Variants in DYNC1H1 observed in about 807,000 individuals in gnomAD.
The protein encoded by DYNC1H1 is dynein cytoplasmic 1 heavy chain 1.
In DYNC1H1, 51 loss-of-function variants were observed where a neutral mutation model predicts 527.1. The ratio of observed to expected loss-of-function variants is 0.10; its 90% CI spans 0.08 to 0.12. The LOEUF (loss-of-function observed/expected upper bound fraction) is 0.12, where lower values mean the gene tolerates loss of function less well. Among genes scored for constraint, DYNC1H1 ranks in the 10% least tolerant of loss-of-function variants. DYNC1H1 has a pLI of 1.00. For missense variants in DYNC1H1, 2,771 were observed against 5,971.8 expected, an observed-to-expected ratio of 0.46 and a Z score of 17.66; for synonymous variants, 2,189 against 2,278.8, an observed-to-expected ratio of 0.96 and a Z score of 1.12.
Position 102,047,639 on chromosome 14 carries a change from G to GTATATATATATATATA in DYNC1H1, c.13007-177_13007-176insATATATATATATATAT, listed in dbSNP as rs1287359925. ...TATACACGTGTGTGTGTGTGTGTGT[G>GTATATATATATATATA]TGTATATATATATATATATATATAT... On this transcript the variant is annotated intron_variant, in intron 72 of 77. Coordinates refer to ENST00000360184, the MANE Select transcript of DYNC1H1 (RefSeq NM_001376.5). 1.1e-4 allele frequency: 38 copies of GTATATATATATATATA among 352,012 alleles called. No individual in the cohort carries two copies. The African/African-American group carries it at 1.5e-3, about 14-fold the overall frequency. The allele number at this position is 352,012 out of a possible 1,614,324, so 21.8% of individuals were successfully genotyped here.
At chr14:102,007,934 C>T (rs1011523778) in intron 28 of DYNC1H1, among the ~76,000 whole-genome samples, 2 of 152,234 alleles carry the variant, frequency 1.3e-5, no homozygotes, top group African/African-American at 2.4e-5. Context: ...GGCCTTTCCT[C>T]GGGATACATG....
chr14:102,026,483 T>A, intron 43 of DYNC1H1, 91 bp from the exon 44 acceptor site: 1 of 1,406,652 alleles, frequency 7.1e-7, no homozygotes, highest in South Asian at 1.2e-5. Flanking sequence ...TTTTTAACAG[T>A]TTCTTCATGG....
Position 102,027,322 on chromosome 14 carries a change from A to G in DYNC1H1, c.8886+34A>G. 6.2e-7 allele frequency: 1 copy of G among 1,614,072 alleles called. No individual in the cohort carries two copies. The highest frequency in any genetic ancestry group is 8.5e-7 in the Non-Finnish European group (1 of 1,179,992). ...GGTCGGTGGCCTCTTAATCCCAGCAACAGATGTGTGTGCAGAGCTCAGTGA... is the reference window on the plus strand; with the variant it reads ...GGTCGGTGGCCTCTTAATCCCAGCAGCAGATGTGTGTGCAGAGCTCAGTGA... On this transcript the variant is annotated intron_variant, in intron 45 of 77. Transcript: ENST00000360184. This position sits in a 1 kb window ranked among gnomAD's most constrained non-coding sequence, Gnocchi z 7.7.
In DYNC1H1 at chr14:102,001,784, T is replaced by A. The variant is rs1308025962; in HGVS notation, c.4542+103T>A. ...TACTAGGTACCTGTTTTTTATTGTATTTTTTGAGACAGGGTCTCACTCTGT... is the reference window on the plus strand; with the variant it reads ...TACTAGGTACCTGTTTTTTATTGTAATTTTTGAGACAGGGTCTCACTCTGT... On this transcript the variant is annotated intron_variant, in intron 21 of 77. Transcript: ENST00000360184. The surrounding 1 kb of genome is among the most constrained non-coding windows in gnomAD (Gnocchi z 5.0). The A allele has an allele frequency of 5.3e-6, 8 of 1,518,512 alleles. No individual in the cohort carries two copies. The highest frequency in any genetic ancestry group is 5.4e-6 in the Non-Finnish European group (6 of 1,107,632). 94.1% of individuals were successfully genotyped at this position (1,518,512 alleles called of 1,614,324 possible).
At chr14:102,032,672 C>T (rs1205879920) in intron 52 of DYNC1H1, 7 of 668,052 alleles carry the variant, frequency 1.0e-5, no homozygotes, top group East Asian at 5.6e-5. Flanking sequence ...GGCTACATGG[C>T]GACACCCTGT....
Position 102,001,814 on chromosome 14 carries a change from C to A in DYNC1H1, c.4542+133C>A. ...TGAGACAGGGTCTCACTCTGTCTCC[C>A]ACGCTGGAGTGCAGTGGCACCATCA... On this transcript the variant is annotated intron_variant, in intron 21 of 77. Transcript: ENST00000360184. This position sits in a 1 kb window ranked among gnomAD's most constrained non-coding sequence, Gnocchi z 5.0. 7.9e-7 allele frequency: 1 copy of A among 1,265,662 alleles called. No individual in the cohort carries two copies. The highest frequency in any genetic ancestry group is 1.1e-6 in the Non-Finnish European group (1 of 900,826). The allele number at this position is 1,265,662 out of a possible 1,614,324, so 78.4% of individuals were successfully genotyped here.
In DYNC1H1 at chr14:102,002,435, G is replaced by T. The variant is rs928777584; in HGVS notation, c.4543-102G>T. On this transcript the variant is annotated intron_variant, in intron 21 of 77. Transcript: ENST00000360184. This position sits in a 1 kb window ranked among gnomAD's most constrained non-coding sequence, Gnocchi z 4.4. ...TACTTGTTGTTTAAAATGTGAATCA[G>T]ATTACTTCATGAGATCCTGATCTGC... 1.3e-6 allele frequency: 2 copies of T among 1,483,810 alleles called. No homozygotes were observed. Among genetic ancestry groups the T allele is most frequent in the South Asian group, 1.1e-5 (1 of 87,504 alleles). The allele number at this position is 1,483,810 out of a possible 1,614,324, so 91.9% of individuals were successfully genotyped here.
intron 52 of DYNC1H1, 83 bp downstream of exon 52, chr14:102,032,550 C>A: frequency 6.4e-7 from 1 of 1,562,464 alleles, no homozygotes; most frequent in Non-Finnish European, 8.7e-7. Flanking sequence ...GCCTCCAATC[C>A]CAGAACTTTC....
rs901849409 is a variant in DYNC1H1, at chr14:101,985,633, T to A, written c.1462-54T>A. On this transcript the variant is annotated intron_variant, in intron 7 of 77. Coordinates refer to ENST00000360184, the MANE Select transcript of DYNC1H1 (RefSeq NM_001376.5). This position sits in a 1 kb window ranked among gnomAD's most constrained non-coding sequence, Gnocchi z 5.9. ...GCCACTGCACCCGGCTTAAAATAAA[T>A]TTTAAAGCCTTCGTTTGGTCAGCAT... 7.0e-5 allele frequency: 112 copies of A among 1,601,166 alleles called. No homozygotes were observed. Among genetic ancestry groups the A allele is most frequent in the Non-Finnish European group, 8.3e-5 (97 of 1,168,532 alleles).
chr14:102,041,414 C>A lies in DYNC1H1; in HGVS notation c.11942-160C>A, dbSNP rs45444691. The A allele has an allele frequency of 1.7e-6, 2 of 1,153,156 alleles. No individual in the cohort carries two copies. The highest frequency in any genetic ancestry group is 1.7e-5 in the Admixed American group (1 of 58,490). 71.4% of individuals were successfully genotyped at this position (1,153,156 alleles called of 1,614,324 possible). On this transcript the variant is annotated intron_variant, in intron 64 of 77. Coordinates refer to ENST00000360184, the MANE Select transcript of DYNC1H1 (RefSeq NM_001376.5). This position sits in a 1 kb window ranked among gnomAD's most constrained non-coding sequence, Gnocchi z 4.5. ...CTCACAGGCGTGTCCAGAGGGCTCA[C>A]GGAAGGCACAGCAGATGTGGCTGAA... is the stretch of plus-strand genomic sequence containing the variant.
In DYNC1H1 at chr14:101,997,299, A is replaced by G. The variant is rs1041591967; in HGVS notation, c.3804+25A>G. ...GGTGAGTCCCGCCAGGTGGGGACGC[A>G]GGAGACTCCTCACCCAGCAGTGTGA... On this transcript the variant is annotated intron_variant, in intron 16 of 77. Coordinates refer to ENST00000360184, the MANE Select transcript of DYNC1H1 (RefSeq NM_001376.5). This position sits in a 1 kb window ranked among gnomAD's most constrained non-coding sequence, Gnocchi z 4.8. 3.7e-6 allele frequency: 6 copies of G among 1,613,890 alleles called. No homozygotes were observed. In the South Asian group the frequency reaches 4.4e-5, roughly 12 times the overall value.
chr14:102,027,563 G>A lies in DYNC1H1; in HGVS notation c.9048+19G>A, dbSNP rs2048464169. On this transcript the variant is annotated intron_variant, in intron 46 of 77. Coordinates refer to ENST00000360184, the MANE Select transcript of DYNC1H1 (RefSeq NM_001376.5). This position sits in a 1 kb window ranked among gnomAD's most constrained non-coding sequence, Gnocchi z 7.7. Reference sequence around the variant, plus strand: ...TGGAGAGGTAATTAGGTGACGTGTTGCGTTGCATTACGTGTTACCGGGGGA... The same window carrying A: ...TGGAGAGGTAATTAGGTGACGTGTTACGTTGCATTACGTGTTACCGGGGGA... 6.2e-7 allele frequency: 1 copy of A among 1,614,066 alleles called. No individual in the cohort carries two copies. Among genetic ancestry groups the A allele is most frequent in the Admixed American group, 1.7e-5 (1 of 59,994 alleles).
At chr14:101,994,057 G>A (rs1168423523) in intron 11 of DYNC1H1, 127 bp from the exon 12 acceptor site, 3 of 1,360,318 alleles carry the variant, frequency 2.2e-6, no homozygotes, top group South Asian at 1.2e-5. Flanking sequence ...GTAAGTGGAT[G>A]TTATCCCTTA....
At chr14:101,988,920 C>G in intron 10 of DYNC1H1, 68 bp downstream of exon 10, 1 of 1,596,980 alleles carries the variant, frequency 6.3e-7, no homozygotes, top group Non-Finnish European at 8.5e-7. Flanking sequence ...TAAAAAACAC[C>G]TATGGAAAGG....
At chr14:101,999,672 C>G (rs79329956) in intron 16 of DYNC1H1, among the ~76,000 whole-genome samples, 1 of 152,184 alleles carries the variant, frequency 6.6e-6, no homozygotes, top group Non-Finnish European at 1.5e-5. Context: ...CCTCTTCTAT[C>G]ACTGGGGATG....
rs199991724 is a variant in DYNC1H1 at position 102,040,227 on chromosome 14, C to G, written c.11691-9C>G. 2 of 1,614,058 alleles carry G rather than the reference C, an allele frequency of 1.2e-6. No homozygotes were observed. The highest frequency in any genetic ancestry group is 1.3e-5 in the African/African-American group (1 of 74,996). ...AGAGACCCTAGCTAACCTGTTGCAC[C>G]CTTCGCAGGGAGCCCACCTACGATG... On this transcript the variant is annotated splice_polypyrimidine_tract_variant and intron_variant, in intron 62 of 77. Transcript: ENST00000360184.
intron 72 of DYNC1H1, among the ~76,000 whole-genome samples, chr14:102,045,714 T>G (rs763648524): frequency 1.8e-4 from 28 of 152,190 alleles, no homozygotes; most frequent in Non-Finnish European, 3.4e-4. Context: ...CTAGAATTTT[T>G]TAGCAGTCTT....
In DYNC1H1 at chr14:102,033,246, A is replaced by C. The variant is rs2152591741; in HGVS notation, c.10198-23A>C. The C allele has an allele frequency of 6.2e-7, 1 of 1,614,208 alleles. No homozygotes were observed. Among genetic ancestry groups the C allele is most frequent in the East Asian group, 2.2e-5 (1 of 44,886 alleles). On this transcript the variant is annotated intron_variant, in intron 53 of 77. Coordinates refer to ENST00000360184, the MANE Select transcript of DYNC1H1 (RefSeq NM_001376.5). The surrounding 1 kb of genome is among the most constrained non-coding windows in gnomAD (Gnocchi z 5.6). ...CCTCTTTTCCTGTCACTTAAATAAC[A>C]GTTATCAATTGGTTCTTCCCAGCTT...
chr14:101,999,784 A>G (rs569053284), intron 16 of DYNC1H1, among the ~76,000 whole-genome samples: 2 of 152,374 alleles, frequency 1.3e-5, no homozygotes, highest in African/African-American at 4.8e-5. Flanking sequence ...TATTTTATTT[A>G]TGTAAAATGT....
Sources: gnomAD v4.1 joint callset for allele counts (sites outside exome capture counted in the v4.1 genomes callset) on GRCh38, gnomAD v4.1.1 for gene constraint, Gnocchi (gnomAD v3.1) non-coding constraint, MANE v1.5 for transcripts, NCBI Gene and HGNC (gene_info 2026-07-23, HGNC 2026-07-21) for gene names.